Variants in NPR1 observed in about 807,000 individuals in gnomAD.
NPR1 encodes the protein natriuretic peptide receptor 1.
In NPR1, 57 loss-of-function variants were observed where a neutral mutation model predicts 116.9. The observed-to-expected ratio is 0.49, with a 90% CI of 0.39 to 0.61. NPR1 has a LOEUF of 0.61. NPR1 is among the 20% of genes least tolerant of loss of function. The probability of loss-of-function intolerance (pLI) is 0.00; values close to 1 mark genes in which losing one functional copy is unlikely to be tolerated. For synonymous variants in NPR1, 555 were observed against 601.6 expected, an observed-to-expected ratio of 0.92 and a Z score of 1.13; for missense variants, 1,096 against 1,409.8, an observed-to-expected ratio of 0.78 and a Z score of 3.56.
At position 153,690,487 on chromosome 1, in the gene NPR1, T is replaced by C. The variant is rs143363959; in HGVS notation, c.3031+105T>C. The C allele has an allele frequency of 3.7e-4, 279 of 746,842 alleles. 3 individuals are homozygous for C. In the East Asian group the frequency reaches 7.5e-3, roughly 20 times the overall value. The allele number at this position is 746,842 out of a possible 1,614,324, so 46.3% of individuals were successfully genotyped here. ...ACAGCCCGTTTCAGCTCCTAGCCCT[T>C]TCGCCTCCCAAGTTCCCCTTCTCAT... On this transcript the variant is annotated intron_variant, in intron 20 of 21. Coordinates refer to ENST00000368680, the MANE Select transcript of NPR1 (RefSeq NM_000906.4).
intron 15 of NPR1, among the ~76,000 whole-genome samples, 161 bp downstream of exon 15, chr1:153,688,382 C>T (rs538432777): frequency 5.9e-5 from 9 of 152,202 alleles, no homozygotes; most frequent in Admixed American, 1.3e-4. Flanking sequence ...TGACCCTCTT[C>T]GCAAGTACAG....
intron 2 of NPR1, 158 bp downstream of exon 2, chr1:153,680,858 G>T: frequency 1.5e-6 from 1 of 682,332 alleles, no homozygotes; most frequent in Non-Finnish European, 2.4e-6. Context: ...AAAGAGGTTG[G>T]TGATGCTCAC....
Position 153,689,127 on chromosome 1 carries a change from C to T in NPR1, c.2564+28C>T, listed in dbSNP as rs201267901. The T allele has an allele frequency of 6.8e-6, 11 of 1,613,992 alleles. No individual in the cohort carries two copies. The African/African-American group carries it at 1.5e-4, about 22-fold the overall frequency. On this transcript the variant is annotated intron_variant, in intron 16 of 21. Transcript: ENST00000368680. This position sits in a 1 kb window ranked among gnomAD's most constrained non-coding sequence, Gnocchi z 5.1. ...GAGTGCCTGAGTCTGGGGACCCCCC[C>T]CAACACAAAGCCCCTGTCCCGACCC...
chr1:153,686,285 G>A, intron 10 of NPR1, 85 bp downstream of exon 10: 1 of 1,303,558 alleles, frequency 7.7e-7, no homozygotes, highest in South Asian at 1.2e-5. Context: ...GTTATGGAGG[G>A]ACCTCAGGGT....
chr1:153,687,098 A>G lies in NPR1; in HGVS notation c.1935+11A>G. ...AATGACATCGTCAAGGTATGCCCCT[A>G]AGCACCTATTGGATGTGTAGAGCAG... On this transcript the variant is annotated intron_variant, in intron 12 of 21. Transcript: ENST00000368680. 1 of 1,613,960 alleles carries G rather than the reference A, an allele frequency of 6.2e-7. No individual in the cohort carries two copies. The highest frequency in any genetic ancestry group is 1.7e-4 in the Middle Eastern group (1 of 6,058).
At chr1:153,683,541 T>A (rs1048175065) in intron 6 of NPR1, 30 bp downstream of exon 6, 7 of 1,612,962 alleles carry the variant, frequency 4.3e-6, no homozygotes, top group Non-Finnish European at 5.9e-6. Flanking sequence ...CAGGCCTCCA[T>A]CCCAGAGATG....
In NPR1 at chr1:153,684,986, C is replaced by A. The variant is rs1669886528; in HGVS notation, c.1507C>A (p.Leu503Met). 1 of 1,614,116 alleles carries A rather than the reference C, an allele frequency of 6.2e-7. No individual in the cohort carries two copies. The highest frequency in any genetic ancestry group is 1.3e-5 in the African/African-American group (1 of 75,036). Residue 503 changes from leucine to methionine, a missense_variant, in exon 8 of 22, where the codon CTG becomes ATG. By Grantham distance (15) the Leu-to-Met change is conservative (BLOSUM62 2). Coordinates refer to ENST00000368680, the MANE Select transcript of NPR1 (RefSeq NM_000906.4). ...CAGGAAGATGCAGCTGGAGAAGGAA[C>A]TGGCCTCGGAGCTGTGGCGGGTGCG... ...IYRKMQLEKELASELWRVRWE... is the reference protein window; with the variant it reads ...IYRKMQLEKEMASELWRVRWE...
intron 20 of NPR1, among the ~76,000 whole-genome samples, chr1:153,690,833 C>G (rs952259874): frequency 6.7e-6 from 1 of 149,374 alleles, no homozygotes; most frequent in Non-Finnish European, 1.5e-5. Context: ...ATCCCAGCTA[C>G]TTGGGAGGCT....
chr1:153,688,170 A>G lies in NPR1; in HGVS notation c.2366A>G (p.Gln789Arg), dbSNP rs2101737096. 1.9e-6 allele frequency: 3 copies of G among 1,613,900 alleles called. No homozygotes were observed. Among genetic ancestry groups the G allele is most frequent in the Non-Finnish European group, 2.5e-6 (3 of 1,179,874 alleles). The change falls in exon 15 of 22, where the codon CAG (glutamine) becomes CGG (arginine). Residue 789 changes from glutamine (Q) to arginine (R), a missense_variant. By Grantham distance (43) the Gln-to-Arg change is conservative (BLOSUM62 1). Coordinates refer to ENST00000368680, the MANE Select transcript of NPR1 (RefSeq NM_000906.4). ...LMQRCWAEDP[Q>R]ERPPFQQIRL... ...CAGCGGTGCTGGGCTGAGGACCCAC[A>G]GGAGAGGCCACCATTCCAGCAGATC...
In NPR1 at chr1:153,689,362, C is replaced by T. The variant is rs760793759; in HGVS notation, c.2688+51C>T. The T allele has an allele frequency of 6.2e-7, 1 of 1,614,022 alleles. No individual in the cohort carries two copies. Among genetic ancestry groups the T allele is most frequent in the Non-Finnish European group, 8.5e-7 (1 of 1,179,912 alleles). On this transcript the variant is annotated intron_variant, in intron 17 of 21. Coordinates refer to ENST00000368680, the MANE Select transcript of NPR1 (RefSeq NM_000906.4). This position sits in a 1 kb window ranked among gnomAD's most constrained non-coding sequence, Gnocchi z 5.1. ...CCAGGCAAGCTCAGCATCTGGATCCCACCAGACCTGCCTTCTGGTTCTGCT... is the reference window on the plus strand; with the variant it reads ...CCAGGCAAGCTCAGCATCTGGATCCTACCAGACCTGCCTTCTGGTTCTGCT...
rs1331336684 is a variant in NPR1 at position 153,680,522 on chromosome 1, CT to C, written c.744del (p.Asp249MetfsTer78). 6 of 1,614,202 alleles carry C rather than the reference CT, an allele frequency of 3.7e-6. No homozygotes were observed. Among genetic ancestry groups the C allele is most frequent in the Non-Finnish European group, 5.1e-6 (6 of 1,180,022 alleles). On this transcript the variant is annotated frameshift_variant, in exon 2 of 22. Transcript: ENST00000368680. LOFTEE classifies it high-confidence loss of function. ...KGRVIYICSS[P>X]DAFRTLMLLA... ...CCAGTTATCTACATCTGCAGCTCCC[CT>C]GATGCCTTCAGAACCCTCATGCTCC... is the stretch of plus-strand genomic sequence containing the variant.
rs376235996 is a variant in NPR1, at chr1:153,684,994, G to A, written c.1515G>A (p.Ser505=). ...RKMQLEKELA[S]ELWRVRWEDV... is the part of the protein sequence containing the mutation. The stretch of plus-strand genomic sequence containing the variant: ...TGCAGCTGGAGAAGGAACTGGCCTC[G>A]GAGCTGTGGCGGGTGCGCTGGGAGG... Residue 505 remains serine, a synonymous_variant, in exon 8 of 22, where the codon TCG becomes TCA. Coordinates refer to ENST00000368680, the MANE Select transcript of NPR1 (RefSeq NM_000906.4). 1.2e-5 allele frequency: 19 copies of A among 1,614,044 alleles called. No homozygotes were observed. In the African/African-American group the frequency reaches 1.3e-4, roughly 11 times the overall value.
At chr1:153,682,404 G>A (rs915525592) in intron 4 of NPR1, 94 bp from the exon 5 acceptor site, 33 of 896,578 alleles carry the variant, frequency 3.7e-5, no homozygotes, top group African/African-American at 9.9e-5. Flanking sequence ...TGTTTGGAAG[G>A]CAAGGCAAAA....
chr1:153,684,279 AG>A (rs537124079), intron 7 of NPR1, among the ~76,000 whole-genome samples: 149 of 152,140 alleles, frequency 9.8e-4, no homozygotes, highest in African/African-American at 3.4e-3. Context: ...AATGAAGTAC[AG>A]GAGGAGTTAA....
chr1:153,681,466 C>G, intron 3 of NPR1, 173 bp downstream of exon 3: 1 of 639,536 alleles, frequency 1.6e-6, no homozygotes, highest in Non-Finnish European at 2.7e-6. Context: ...GCCTCTGAAA[C>G]TCAGGTCATC....
At position 153,687,852 on chromosome 1, in the gene NPR1, A is replaced by C. The variant is rs190617890; in HGVS notation, c.2248+63A>C. 4.2e-4 allele frequency: 623 copies of C among 1,499,024 alleles called. 1 individual carries two copies. In the African/African-American group the frequency reaches 7.9e-3, roughly 19 times the overall value. The allele number at this position is 1,499,024 out of a possible 1,614,324, so 92.9% of individuals were successfully genotyped here. On this transcript the variant is annotated intron_variant, in intron 14 of 21. Transcript: ENST00000368680. ...CTCAACGAACCCCAGCCCCAGGGAG[A>C]GGGTCCCCTGGCAGCACCACCACAC...
chr1:153,687,184 C>T lies in NPR1; in HGVS notation c.1936-16C>T. The stretch of plus-strand genomic sequence containing the variant: ...TCCCACTCCTGGCCAATACCTCTGC[C>T]CACTCACATTTCCAGGGCATGCTGT... On this transcript the variant is annotated splice_polypyrimidine_tract_variant and intron_variant, in intron 12 of 21. Transcript: ENST00000368680. 1 of 1,613,920 alleles carries T rather than the reference C, an allele frequency of 6.2e-7. No individual in the cohort carries two copies. Among genetic ancestry groups the T allele is most frequent in the Non-Finnish European group, 8.5e-7 (1 of 1,179,924 alleles).
rs1345597093 is a variant in NPR1, at chr1:153,678,990, G to A, written c.-119G>A. 1.6e-6 allele frequency: 2 copies of A among 1,257,208 alleles called. No individual in the cohort carries two copies. The highest frequency in any genetic ancestry group is 1.6e-5 in the African/African-American group (1 of 62,988). The allele number at this position is 1,257,208 out of a possible 1,614,324, so 77.9% of individuals were successfully genotyped here. ...CTCGAGCCCCGGGGTGAGCGTCCCC[G>A]TCCCGCTCCTGCTCCTTCCCATAGG... On this transcript the variant is annotated 5_prime_UTR_variant, in exon 1 of 22. Transcript: ENST00000368680. The surrounding 1 kb of genome is among the most constrained non-coding windows in gnomAD (Gnocchi z 5.8).
In NPR1 at chr1:153,682,559, G is replaced by T; in HGVS notation, c.1233G>T (p.Trp411Cys). The change falls in exon 5 of 22, where the codon TGG becomes TGT. Residue 411 changes from tryptophan to cysteine, a missense_variant. Transcript: ENST00000368680. ...ATCGGGAAACAGACTTCTCCCTCTGGGATATGGATCCCGAGAATGGTGCCT... is the reference window on the plus strand; with the variant it reads ...ATCGGGAAACAGACTTCTCCCTCTGTGATATGGATCCCGAGAATGGTGCCT... Reference protein sequence around the residue: ...SGDRETDFSLWDMDPENGAFR... With the variant: ...SGDRETDFSLCDMDPENGAFR... The T allele has an allele frequency of 6.2e-7, 1 of 1,613,990 alleles. No homozygotes were observed. Among genetic ancestry groups the T allele is most frequent in the Non-Finnish European group, 8.5e-7 (1 of 1,179,954 alleles).
Sources: allele counts gnomAD v4.1 joint callset (sites outside exome capture counted in the v4.1 genomes callset), GRCh38; gene constraint gnomAD v4.1.1; non-coding constraint Gnocchi (gnomAD v3.1); transcripts MANE v1.5; gene names NCBI Gene and HGNC (gene_info 2026-07-23, HGNC 2026-07-21).